CAPS2: variants seen among roughly 807,000 people sequenced by gnomAD.
CAPS2 encodes the protein calcyphosine 2.
CAPS2 carries 98 observed loss-of-function variants against 86.5 expected under a neutral mutation model. The ratio of observed to expected loss-of-function variants is 1.13; its 90% CI spans 0.96 to 1.34. CAPS2 has a LOEUF of 1.34. Among genes scored for constraint, CAPS2 ranks in the 40% most tolerant of loss-of-function variants. The probability of loss-of-function intolerance (pLI) is 0.00; values close to 1 mark genes in which losing one functional copy is unlikely to be tolerated. For missense variants in CAPS2, 729 were observed against 686.8 expected (o/e 1.06, Z -0.69); for synonymous variants, 210 against 225.1 (o/e 0.93, Z 0.60).
intron 14 of CAPS2, among the ~76,000 whole-genome samples, 164 bp from the exon 15 acceptor site, chr12:75,285,244 T>C (rs2034662322): frequency 6.6e-6 from 1 of 152,040 alleles, no homozygotes; most frequent in South Asian, 2.1e-4. Flanking sequence ...ACTAAAAAAG[T>C]GATTTAGAGG....
At chr12:75,341,730 G>A (rs1237561591) in intron 1 of CAPS2, among the ~76,000 whole-genome samples, 1 of 149,022 alleles carries the variant, frequency 6.7e-6, no homozygotes, top group Admixed American at 6.7e-5. Context: ...AAAGGCGTGA[G>A]CCACCGCGCC....
At chr12:75,361,619 A>C (rs959065564) in intron 1 of CAPS2, among the ~76,000 whole-genome samples, 1 of 152,212 alleles carries the variant, frequency 6.6e-6, no homozygotes, top group African/African-American at 2.4e-5. Context: ...AGGCCTCAGG[A>C]AACTTACAAT....
At chr12:75,306,011 C>T (rs1341608759) in intron 7 of CAPS2, 7 of 1,460,782 alleles carry the variant, frequency 4.8e-6, no homozygotes, top group Non-Finnish European at 6.6e-6. Flanking sequence ...GCTCATGATC[C>T]TGAGCCTCAT....
At chr12:75,352,126 C>T (rs948456502) in intron 1 of CAPS2, among the ~76,000 whole-genome samples, 3 of 152,216 alleles carry the variant, frequency 2.0e-5, no homozygotes, top group African/African-American at 7.2e-5. Flanking sequence ...CAGCTAGCAT[C>T]ATGATGACAG....
intron 15 of CAPS2, among the ~76,000 whole-genome samples, chr12:75,283,248 T>C (rs928175854): frequency 1.3e-5 from 2 of 152,166 alleles, no homozygotes; most frequent in Non-Finnish European, 2.9e-5. Flanking sequence ...ATTCACTACT[T>C]AGAAAGACAC....
At chr12:75,388,256 T>C (rs2045393621) in intron 1 of CAPS2, among the ~76,000 whole-genome samples, 1 of 152,184 alleles carries the variant, frequency 6.6e-6, no homozygotes, top group Non-Finnish European at 1.5e-5. Flanking sequence ...TCCACTATGA[T>C]TGCGAGGGCT....
exon 2 of CAPS2, chr12:75,325,286 T>C (rs755721377): frequency 3.9e-6 from 6 of 1,544,780 alleles, no homozygotes; most frequent in Non-Finnish European, 5.2e-6. Flanking sequence ...AAGTCCACCT[T>C]TGCTTTAATT....
Position 75,370,069 on chromosome 12 carries a change from T to C in CAPS2, c.-395+20769A>G, listed in dbSNP as rs758783526. ...TGAACTCTTAACTATTCTGGTTTTGTTTTTGTTTTTGACAGAAAATCCATT... is the reference window on the plus strand; with the variant it reads ...TGAACTCTTAACTATTCTGGTTTTGCTTTTGTTTTTGACAGAAAATCCATT... On this transcript the variant is annotated intron_variant, in intron 1 of 5. Coordinates refer to the CAPS2 transcript ENST00000551829. The C allele has an allele frequency of 5.9e-6, 9 of 1,536,930 alleles. No homozygotes were observed. The East Asian group carries it at 1.3e-4, about 23-fold the overall frequency.
chr12:75,374,506 G>A (rs2044546973), intron 1 of CAPS2, among the ~76,000 whole-genome samples: 2 of 152,200 alleles, frequency 1.3e-5, no homozygotes, highest in Admixed American at 6.5e-5. Flanking sequence ...GAATTTTAAT[G>A]GGGTTTATTT....
At chr12:75,355,410 A>C (rs1324083668) in intron 1 of CAPS2, among the ~76,000 whole-genome samples, 1 of 152,228 alleles carries the variant, frequency 6.6e-6, no homozygotes, top group African/African-American at 2.4e-5. Flanking sequence ...GCAAATCAAA[A>C]TCGCAGTTAG....
chr12:75,306,401 C>A (rs1173318940), intron 7 of CAPS2: 1 of 399,874 alleles, frequency 2.5e-6, no homozygotes, highest in South Asian at 3.0e-5. Context: ...TGACCCTCAC[C>A]AGGCCTGTGG....
intron 7 of CAPS2, chr12:75,306,114 C>A: frequency 7.7e-7 from 1 of 1,295,984 alleles, no homozygotes. Context: ...CTCCACCTTC[C>A]ACATTCGGGA....
In CAPS2 at chr12:75,293,289, G is replaced by A. The variant is rs201447508; in HGVS notation, c.1123C>T (p.Arg375Ter). 5.0e-5 allele frequency: 81 copies of A among 1,611,162 alleles called. 1 individual carries two copies. The Middle Eastern group carries it at 1.6e-3, about 33-fold the overall frequency. ...GCTATTTGATCAATATTTGTGATTC[G>A]GAGTTTAAGTAATGTGTTTTCTTTG... The change falls in exon 12 of 17, where the codon CGA becomes TGA. Residue 375 changes from arginine to a stop codon, truncating the protein, a stop_gained. Transcript: ENST00000393284. LOFTEE classifies it high-confidence loss of function.
At chr12:75,286,346 C>T (rs1335131294) in intron 14 of CAPS2, among the ~76,000 whole-genome samples, 2 of 151,844 alleles carry the variant, frequency 1.3e-5, no homozygotes, top group Non-Finnish European at 2.9e-5. Flanking sequence ...ATGAGCTTGA[C>T]CTTTAAAATC....
At chr12:75,312,183 A>C (rs1399481084) in intron 7 of CAPS2, among the ~76,000 whole-genome samples, 1 of 152,204 alleles carries the variant, frequency 6.6e-6, no homozygotes, top group African/African-American at 2.4e-5. Flanking sequence ...ACAGTCTCAC[A>C]GTTCTTGAAC....
intron 8 of CAPS2, among the ~76,000 whole-genome samples, chr12:75,302,655 A>T (rs968919453): frequency 3.9e-5 from 6 of 152,250 alleles, no homozygotes; most frequent in Non-Finnish European, 5.9e-5. Flanking sequence ...TAGTTGAAAA[A>T]GGATTCATTT....
intron 6 of CAPS2, among the ~76,000 whole-genome samples, 152 bp from the exon 7 acceptor site, chr12:75,313,067 T>C (rs1291338015): frequency 6.6e-6 from 1 of 152,200 alleles, no homozygotes; most frequent in African/African-American, 2.4e-5. Flanking sequence ...TAGATTACTT[T>C]CCATCATTAC....
intron 8 of CAPS2, among the ~76,000 whole-genome samples, chr12:75,301,230 C>A (rs553436539): frequency 6.6e-6 from 1 of 152,262 alleles, no homozygotes; most frequent in African/African-American, 2.4e-5. Context: ...AATGAAATGG[C>A]AGTAATGTAA....
At chr12:75,304,414 C>T (rs948597739) in intron 8 of CAPS2, among the ~76,000 whole-genome samples, 3 of 152,034 alleles carry the variant, frequency 2.0e-5, no homozygotes, top group Non-Finnish European at 2.9e-5. Context: ...ATAGTCAACA[C>T]CAAGTTTTAA....
Sources: gnomAD v4.1 joint callset for allele counts (sites outside exome capture counted in the v4.1 genomes callset) on GRCh38, gnomAD v4.1.1 for gene constraint, MANE v1.5 for transcripts, NCBI Gene and HGNC (gene_info 2026-07-23, HGNC 2026-07-21) for gene names.